The following FAM184A variants were observed in gnomAD, a reference collection of about 807,000 sequenced individuals.
FAM184A encodes protein FAM184A.
Under a neutral mutation model 143.8 loss-of-function variants are expected in FAM184A, and 99 were observed. The observed-to-expected ratio is 0.69, with a 90% confidence interval of 0.58 to 0.81. FAM184A has a LOEUF of 0.81. FAM184A is among the 40% of genes least tolerant of loss of function. FAM184A has a pLI of 0.00. For missense variants in FAM184A, 1,217 were observed against 1,310.5 expected (o/e 0.93, Z 1.10); for synonymous variants, 427 against 446.4 (o/e 0.96, Z 0.55).
intron 1 of FAM184A, among the ~76,000 whole-genome samples, chr6:119,105,894 A>G (rs1173498794): frequency 6.6e-6 from 1 of 152,176 alleles, no homozygotes; most frequent in Admixed American, 6.5e-5. Flanking sequence ...TTAGTTGGCA[A>G]ACATTAATTT....
chr6:119,029,270 C>T (rs1212050512), intron 1 of FAM184A, among the ~76,000 whole-genome samples: 2 of 152,092 alleles, frequency 1.3e-5, no homozygotes, highest in African/African-American at 4.8e-5. Context: ...AGAACCAGTC[C>T]CTGGTGGAAT....
intron 14 of FAM184A, among the ~76,000 whole-genome samples, chr6:118,970,865 T>G (rs1046277382): frequency 6.6e-6 from 1 of 152,202 alleles, no homozygotes; most frequent in African/African-American, 2.4e-5. Flanking sequence ...CTGTGATTCA[T>G]GGACAACAGG....
At chr6:119,020,734 G>C (rs1582514372) in intron 3 of FAM184A, among the ~76,000 whole-genome samples, 1 of 152,276 alleles carries the variant, frequency 6.6e-6, no homozygotes, top group East Asian at 1.9e-4. Flanking sequence ...CAGCTACTTG[G>C]GAGGTTGAGA....
chr6:119,012,927 T>G (rs1415558400), intron 5 of FAM184A, among the ~76,000 whole-genome samples: 1 of 152,176 alleles, frequency 6.6e-6, no homozygotes, highest in Non-Finnish European at 1.5e-5. Flanking sequence ...GACAGTACAA[T>G]CCTTTTTGAT....
In FAM184A at chr6:119,024,676, T is replaced by C; in HGVS notation, c.297A>G (p.Thr99=). The change falls in exon 2 of 18, where the codon ACA becomes ACG. Residue 99 remains threonine (T), a synonymous_variant. Coordinates refer to ENST00000338891, the MANE Select transcript of FAM184A (RefSeq NM_024581.6). ...TCTTTCTTCTAAGGTCTAGCTCCTCTGTTACTTTGCTTTTATACTGCAATA... is the reference window on the plus strand; with the variant it reads ...TCTTTCTTCTAAGGTCTAGCTCCTCCGTTACTTTGCTTTTATACTGCAATA... The part of the protein sequence containing the change: ...EKILQYKSKV[T]EELDLRRKIQ... The C allele has an allele frequency of 1.2e-6, 2 of 1,614,108 alleles. No homozygotes were observed. The highest frequency in any genetic ancestry group is 1.7e-6 in the Non-Finnish European group (2 of 1,180,024).
At chr6:119,053,506 A>G (rs925265167) in intron 1 of FAM184A, among the ~76,000 whole-genome samples, 7 of 152,162 alleles carry the variant, frequency 4.6e-5, no homozygotes, top group Admixed American at 3.3e-4. Flanking sequence ...TAACAGCCTA[A>G]CGCCAATTGT....
intron 1 of FAM184A, among the ~76,000 whole-genome samples, chr6:119,050,861 C>G (rs1162122823): frequency 6.6e-6 from 1 of 151,360 alleles, no homozygotes; most frequent in Non-Finnish European, 1.5e-5. Context: ...ATGGATAGAG[C>G]TGGAGGCTAT....
intron 1 of FAM184A, among the ~76,000 whole-genome samples, chr6:119,146,293 ACACTGGCCCG>A: frequency 6.6e-6 from 1 of 152,142 alleles, no homozygotes; most frequent in Admixed American, 6.5e-5. Flanking sequence ...TGTACATTCC[ACACTGGCCCG>A]CAGTGTGCTC....
intron 1 of FAM184A, among the ~76,000 whole-genome samples, chr6:119,027,027 G>A (rs2114697320): frequency 6.6e-6 from 1 of 151,956 alleles, no homozygotes; most frequent in South Asian, 2.1e-4. Context: ...CAAGAACCTT[G>A]GCGTCCACAA....
At chr6:119,025,535 T>C in intron 1 of FAM184A, 1 of 518,790 alleles carries the variant, frequency 1.9e-6, no homozygotes, top group South Asian at 1.4e-5. Context: ...AGTACAGGTC[T>C]TTATTTTCAT....
intron 9 of FAM184A, among the ~76,000 whole-genome samples, chr6:118,985,757 T>G (rs1784172462): frequency 1.3e-5 from 2 of 152,126 alleles, no homozygotes; most frequent in Non-Finnish European, 2.9e-5. Flanking sequence ...TCTAAAGTAT[T>G]AACTCCAATC....
intron 1 of FAM184A, among the ~76,000 whole-genome samples, chr6:119,025,032 A>T (rs1005795445): frequency 6.6e-6 from 1 of 152,218 alleles, no homozygotes; most frequent in Non-Finnish European, 1.5e-5. Flanking sequence ...GTATTTAAAG[A>T]CTTTTTAGTT....
intron 1 of FAM184A, among the ~76,000 whole-genome samples, chr6:119,033,889 G>T (rs1176842175): frequency 1.2e-4 from 18 of 147,372 alleles, no homozygotes; most frequent in African/African-American, 4.5e-4. Flanking sequence ...CTACCCAGGA[G>T]GCTGAGGCAG....
At chr6:119,131,885 G>C (rs902408285) in intron 1 of FAM184A, among the ~76,000 whole-genome samples, 1 of 152,200 alleles carries the variant, frequency 6.6e-6, no homozygotes, top group African/African-American at 2.4e-5. Context: ...TGGAGTATTG[G>C]AAGATGTGGT....
upstream of FAM184A, among the ~76,000 whole-genome samples, chr6:119,080,212 A>G (rs1788021681): frequency 6.6e-6 from 1 of 152,230 alleles, no homozygotes; most frequent in Non-Finnish European, 1.5e-5. Context: ...AAGTGGAAAG[A>G]GAATAAGACT....
chr6:119,026,559 G>A (rs955699750), intron 1 of FAM184A, among the ~76,000 whole-genome samples: 2 of 152,100 alleles, frequency 1.3e-5, no homozygotes. Flanking sequence ...AATAGTTTAG[G>A]CCATGACTGA....
At chr6:119,035,208 A>G (rs971742334) in intron 1 of FAM184A, among the ~76,000 whole-genome samples, 1 of 152,218 alleles carries the variant, frequency 6.6e-6, no homozygotes, top group Non-Finnish European at 1.5e-5. Flanking sequence ...AAGTTCCCCA[A>G]AGAACTGAAT....
intron 7 of FAM184A, chr6:119,005,907 C>G (rs536920823): frequency 3.7e-6 from 2 of 535,706 alleles, no homozygotes; most frequent in Non-Finnish European, 6.7e-6. Flanking sequence ...GAGAGTTCTA[C>G]CTCTTACTAG....
chr6:119,106,127 T>C (rs1440323352), intron 1 of FAM184A, among the ~76,000 whole-genome samples: 1 of 152,190 alleles, frequency 6.6e-6, no homozygotes. Flanking sequence ...GCGCAGTGGC[T>C]CATGCCTGTA....
Sources: gnomAD v4.1 joint callset for allele counts (sites outside exome capture counted in the v4.1 genomes callset) on GRCh38, gnomAD v4.1.1 for gene constraint, MANE v1.5 for transcripts, NCBI Gene and HGNC (gene_info 2026-07-23, HGNC 2026-07-21) for gene names.